SCAF8: variants seen among roughly 807,000 people sequenced by gnomAD.
SCAF8 encodes SR-related CTD associated factor 8, also known as SR-related and CTD-associated factor 8.
A neutral mutation model predicts 140.5 loss-of-function variants in SCAF8; 23 were observed. The ratio of observed to expected loss-of-function variants is 0.16; its 90% confidence interval spans 0.12 to 0.23. SCAF8 has a LOEUF of 0.23. Among genes scored for constraint, SCAF8 ranks in the 10% least tolerant of loss-of-function variants. The pLI, the probability that SCAF8 is intolerant of heterozygous loss-of-function variation, is 1.00. For missense variants in SCAF8, 1,397 were observed against 1,555.7 expected, an observed-to-expected ratio of 0.90 and a Z score of 1.72; for synonymous variants, 575 against 528.9, an observed-to-expected ratio of 1.09 and a Z score of -1.20.
At chr6:154,751,640 ATAGT>A (rs1562426493) in intron 1 of SCAF8, among the ~76,000 whole-genome samples, 4 of 152,312 alleles carry the variant, frequency 2.6e-5, no homozygotes, top group African/African-American at 9.6e-5. Flanking sequence ...CTAGGTGCAC[ATAGT>A]TAGTGGCCTA....
At position 154,812,797 on chromosome 6, in the gene SCAF8, T is replaced by G. The variant is rs141373684; in HGVS notation, c.1420+2589T>G. Among the ~76,000 whole-genome samples the G allele has an allele frequency of 4.8e-3, 726 of 152,184 alleles. 1 individual carries two copies. Among genetic ancestry groups the G allele is most frequent in the African/African-American group, 0.017 (692 of 41,514 alleles). On this transcript the variant is annotated intron_variant, in intron 12 of 19. Transcript: ENST00000367178. ...GCTTTCTGGGGAAAATAATGGAGTT[T>G]CCTATGGGAAAAATGTGTAGAGAGA... is the stretch of plus-strand genomic sequence containing the variant.
rs548498824 is a variant in SCAF8 at position 154,797,413 on chromosome 6, T to A, written c.606+2274T>A. Among the ~76,000 whole-genome samples the A allele has an allele frequency of 1.6e-4, 24 of 151,586 alleles. No individual in the cohort carries two copies. In the East Asian group the frequency reaches 3.1e-3, roughly 19 times the overall value. The stretch of plus-strand genomic sequence containing the variant: ...TTTATCAGTGATTTTTTTTTTCTTT[T>A]GAGACGGAGTCTCGCTGTGTCACCC... On this transcript the variant is annotated intron_variant, in intron 6 of 19. Coordinates refer to ENST00000367178, the MANE Select transcript of SCAF8 (RefSeq NM_014892.5).
intron 17 of SCAF8, among the ~76,000 whole-genome samples, chr6:154,826,848 A>G (rs1394701212): frequency 1.3e-5 from 2 of 152,224 alleles, no homozygotes; most frequent in African/African-American, 4.8e-5. Context: ...CACGTATCAA[A>G]TAAGTAAAAT....
intron 4 of SCAF8, 83 bp from the exon 5 acceptor site, chr6:154,792,740 A>G (rs1206448526): frequency 4.5e-6 from 4 of 881,520 alleles, no homozygotes; most frequent in East Asian, 5.5e-5. Flanking sequence ...CTTTCCATCC[A>G]GGGCCCAGAT....
intron 2 of SCAF8, among the ~76,000 whole-genome samples, chr6:154,775,122 A>G (rs1170230482): frequency 1.3e-5 from 2 of 152,204 alleles, no homozygotes; most frequent in African/African-American, 4.8e-5. Flanking sequence ...AGTAATTACT[A>G]CTGGGTGAAA....
At chr6:154,779,758 G>GGTGTGTGTGT (rs199543298) in intron 3 of SCAF8, among the ~76,000 whole-genome samples, 1 of 147,404 alleles carries the variant, frequency 6.8e-6, no homozygotes, top group Non-Finnish European at 1.5e-5. Flanking sequence ...GTTAAAATAA[G>GGTGTGTGTGT]GTGTGTGTGT....
chr6:154,735,519 C>CCT (rs1554256202), intron 1 of SCAF8, among the ~76,000 whole-genome samples: 2 of 135,530 alleles, frequency 1.5e-5, no homozygotes, highest in African/African-American at 5.5e-5. Flanking sequence ...TGGGAATCTT[C>CCT]TTTTTTTTTT....
At chr6:154,763,363 A>G (rs1343980138) in intron 1 of SCAF8, among the ~76,000 whole-genome samples, 2 of 152,156 alleles carry the variant, frequency 1.3e-5, no homozygotes, top group Admixed American at 1.3e-4. Flanking sequence ...CAGTACTCTC[A>G]AGGGCTTAAA....
intron 5 of SCAF8, among the ~76,000 whole-genome samples, chr6:154,794,780 G>GGGGTGTGTGTGT (rs1777544977): frequency 8.0e-5 from 1 of 12,530 alleles, no homozygotes; most frequent in Non-Finnish European, 1.3e-4. Context: ...GGGTGTGGGG[G>GGGGTGTGTGTGT]GTGTGTGTGT....
chr6:154,741,100 TTA>T (rs1188365260), intron 1 of SCAF8, among the ~76,000 whole-genome samples: 1 of 152,164 alleles, frequency 6.6e-6, no homozygotes, highest in East Asian at 1.9e-4. Flanking sequence ...TGTCTAGTAA[TTA>T]TGTTATTTTC....
rs373504041 is a variant in SCAF8, at chr6:154,794,778, GGGGTGTGTGTGTGTGTGTGT to G, written c.476-229_476-210del. Among the ~76,000 whole-genome samples the G allele has an allele frequency of 1.7e-3, 117 of 68,528 alleles. 4 individuals carry two copies. The highest frequency in any genetic ancestry group is 7.8e-3 in the African/African-American group (108 of 13,828). 45.0% of individuals were successfully genotyped at this position (68,528 alleles called of 152,430 possible). ...TTTTGGTGGGGGGGGGGGGGTGTGGGGGGTGTGTGTGTGTGTGTGTGTGTGTGTGTGTGTGTGTGTGTGTG... is the reference window on the plus strand; with the variant it reads ...TTTTGGTGGGGGGGGGGGGGTGTGGGGTGTGTGTGTGTGTGTGTGTGTGTG... On this transcript the variant is annotated intron_variant, in intron 5 of 19. Transcript: ENST00000367178.
Position 154,805,403 on chromosome 6 carries a change from T to A in SCAF8, c.898T>A (p.Phe300Ile). ...HVSESVNNSI[F>I]HQIAEQLQQQ... Reference sequence around the variant, plus strand: ...TTCAGAATCTGTGAACAATTCCATTTTTCATCAGATAGCAGAACAACTACA... The same window carrying A: ...TTCAGAATCTGTGAACAATTCCATTATTCATCAGATAGCAGAACAACTACA... The change falls in exon 9 of 20, where the codon TTT becomes ATT. Residue 300 changes from phenylalanine (F) to isoleucine (I), a missense_variant. Physicochemically the swap from Phe to Ile is conservative, Grantham distance 21. Transcript: ENST00000367178. The A allele has an allele frequency of 6.2e-7, 1 of 1,611,568 alleles. No individual in the cohort carries two copies. The highest frequency in any genetic ancestry group is 8.5e-7 in the Non-Finnish European group (1 of 1,178,166).
intron 1 of SCAF8, among the ~76,000 whole-genome samples, chr6:154,749,509 C>T (rs529344905): frequency 6.6e-6 from 1 of 152,110 alleles, no homozygotes; most frequent in East Asian, 1.9e-4. Flanking sequence ...TGGGGTGGGG[C>T]TGGGAATATG....
At chr6:154,738,420 T>C (rs1312609633) in intron 1 of SCAF8, among the ~76,000 whole-genome samples, 2 of 152,238 alleles carry the variant, frequency 1.3e-5, no homozygotes, top group Non-Finnish European at 2.9e-5. Flanking sequence ...AATTATGTGG[T>C]AAATTTTTCT....
At chr6:154,794,595 G>A (rs1323888822) in intron 5 of SCAF8, among the ~76,000 whole-genome samples, 1 of 151,892 alleles carries the variant, frequency 6.6e-6, no homozygotes, top group Non-Finnish European at 1.5e-5. Context: ...TTTATCATAG[G>A]TATATGTGTA....
At position 154,797,786 on chromosome 6, in the gene SCAF8, G is replaced by A. The variant is rs772317416; in HGVS notation, c.606+2647G>A. 1.8e-4 allele frequency among the ~76,000 whole-genome samples: 28 copies of A among 151,370 alleles called. 2 individuals carry two copies. Among genetic ancestry groups the A allele is most frequent in the Non-Finnish European group, 4.1e-4 (28 of 67,774 alleles). ...ATAAAATCCAACTTTGTGGTATTTA[G>A]AGTTATTCTCAATGTAACCTGTTAT... On this transcript the variant is annotated intron_variant, in intron 6 of 19. Coordinates refer to ENST00000367178, the MANE Select transcript of SCAF8 (RefSeq NM_014892.5).
chr6:154,778,223 G>A (rs1776971378), intron 3 of SCAF8, among the ~76,000 whole-genome samples, 178 bp downstream of exon 3: 1 of 152,146 alleles, frequency 6.6e-6, no homozygotes, highest in South Asian at 2.1e-4. Flanking sequence ...ATTTTACTTA[G>A]GTTTGTATTC....
At chr6:154,764,668 C>G (rs560971464) in intron 1 of SCAF8, among the ~76,000 whole-genome samples, 1 of 152,184 alleles carries the variant, frequency 6.6e-6, no homozygotes, top group South Asian at 2.1e-4. Flanking sequence ...AAGATGGAAA[C>G]CTGTAGAGAA....
chr6:154,764,038 A>G lies in SCAF8; in HGVS notation c.31-9951A>G, dbSNP rs1360246943. On this transcript the variant is annotated intron_variant, in intron 1 of 19. Transcript: ENST00000367178. The stretch of plus-strand genomic sequence containing the variant: ...TTAGAGATAAGTTTTGTGATGGAGT[A>G]GCCATCTCAGTTTAGGTAAAAGATT... Among the ~76,000 whole-genome samples, 5 of 152,338 alleles carry G rather than the reference A, an allele frequency of 3.3e-5. No individual in the cohort carries two copies. The South Asian group carries it at 8.3e-4, about 25-fold the overall frequency.
Sources: gnomAD v4.1 joint callset for allele counts (sites outside exome capture counted in the v4.1 genomes callset) on GRCh38, gnomAD v4.1.1 for gene constraint, MANE v1.5 for transcripts, NCBI Gene and HGNC (gene_info 2026-07-23, HGNC 2026-07-21) for gene names.